The following ZC3H7A variants were observed in gnomAD, a reference collection of about 807,000 sequenced individuals.
ZC3H7A encodes zinc finger CCCH domain-containing protein 7A.
Under a neutral mutation model 125.5 loss-of-function variants are expected in ZC3H7A, and 44 were observed. The observed-to-expected ratio is 0.35, with a 90% CI of 0.28 to 0.45. The LOEUF (loss-of-function observed/expected upper bound fraction) is 0.45. ZC3H7A is among the 20% of genes least tolerant of loss of function. The probability of loss-of-function intolerance (pLI) is 1.00; values close to 1 mark genes in which losing one functional copy is unlikely to be tolerated. For missense variants in ZC3H7A, 977 were observed against 1,170.7 expected, an observed-to-expected ratio of 0.83 and a Z score of 2.41; for synonymous variants, 399 against 391.2, an observed-to-expected ratio of 1.02 and a Z score of -0.23.
At chr16:11,760,734 A>C (rs974023590) in intron 19 of ZC3H7A, among the ~76,000 whole-genome samples, 1 of 152,038 alleles carries the variant, frequency 6.6e-6, no homozygotes, top group African/African-American at 2.4e-5. Flanking sequence ...TGCTCTCCAG[A>C]CCCTCTCTCT....
At position 11,774,453 on chromosome 16, in the gene ZC3H7A, T is replaced by TCAG; in HGVS notation, c.685_686insCTG (p.His228_Glu229insAla). ...AACTGAGGCCAGCTCACTTCCAACT[T>TCAG]CATGAGAAAAACTGGGTGCCGGTAA... On this transcript the variant is annotated inframe_insertion, in exon 9 of 23. Transcript: ENST00000355758. 1 of 1,592,008 alleles carries TCAG rather than the reference T, an allele frequency of 6.3e-7. No individual in the cohort carries two copies.
chr16:11,785,406 G>A (rs2053242131), intron 1 of ZC3H7A, among the ~76,000 whole-genome samples: 1 of 151,530 alleles, frequency 6.6e-6, no homozygotes, highest in African/African-American at 2.4e-5. Flanking sequence ...CTCAGATGAT[G>A]GAGGCAGGAG....
chr16:11,761,483 C>T lies in ZC3H7A; in HGVS notation c.2242G>A (p.Val748Met). 1 of 1,614,108 alleles carries T rather than the reference C, an allele frequency of 6.2e-7. No homozygotes were observed. The highest frequency in any genetic ancestry group is 8.5e-7 in the Non-Finnish European group (1 of 1,180,006). Residue 748 changes from valine to methionine, a missense_variant, in exon 19 of 23, where the codon GTG (valine) becomes ATG (methionine). Physicochemically the swap from Val to Met is conservative, Grantham distance 21 (BLOSUM62 1). Coordinates refer to ENST00000355758, the MANE Select transcript of ZC3H7A (RefSeq NM_014153.4). ...CACTTCTTACGTTCAATAGACATCA[C>T]TCTCATCGCACGCCGGTCTTTGGTC... ...SWTKDRRAMRVMSIERKKWMN... is the reference protein window; with the variant it reads ...SWTKDRRAMRMMSIERKKWMN...
Position 11,770,775 on chromosome 16 carries a change from G to T in ZC3H7A, c.1108+8C>A. 3.7e-6 allele frequency: 6 copies of T among 1,604,070 alleles called. No individual in the cohort carries two copies. The highest frequency in any genetic ancestry group is 5.1e-6 in the Non-Finnish European group (6 of 1,174,068). ...TGCAATTGTTTACAATTTAGATTTG[G>T]TTCTTACCTCGTTTGGATTCACTCA... On this transcript the variant is annotated splice_region_variant and intron_variant, in intron 10 of 22. Transcript: ENST00000355758.
At chr16:11,796,993 C>G (rs1596412636) in intron 1 of ZC3H7A, 131 bp downstream of exon 1, 1 of 148,088 alleles carries the variant, frequency 6.8e-6, no homozygotes, top group Non-Finnish European at 1.5e-5. Context: ...CGGACCCCGC[C>G]GCCCCTCCCC....
At chr16:11,778,355 T>G (rs1335529884) in intron 4 of ZC3H7A, among the ~76,000 whole-genome samples, 4 of 148,364 alleles carry the variant, frequency 2.7e-5, no homozygotes, top group Non-Finnish European at 4.4e-5. Flanking sequence ...GAAAATTGCT[T>G]GAACCCAGGA....
chr16:11,760,042 C>T (rs575132277), intron 19 of ZC3H7A, among the ~76,000 whole-genome samples: 1 of 150,036 alleles, frequency 6.7e-6, no homozygotes, highest in South Asian at 2.1e-4. Context: ...TTGCTTGAAC[C>T]CAGGAGGTGG....
rs66812605 is a variant in ZC3H7A at position 11,760,122 on chromosome 16, G to GAAAAAAAAAAAAA, written c.2319+1271_2319+1283dup. Among the ~76,000 whole-genome samples, 265 of 82,444 alleles carry GAAAAAAAAAAAAA rather than the reference G, an allele frequency of 3.2e-3. 2 individuals are homozygous for GAAAAAAAAAAAAA. Among genetic ancestry groups the GAAAAAAAAAAAAA allele is most frequent in the Middle Eastern group, 0.017 (2 of 120 alleles). 54.1% of individuals were successfully genotyped at this position (82,444 alleles called of 152,430 possible). On this transcript the variant is annotated intron_variant, in intron 19 of 22. Transcript: ENST00000355758. ...CCTGGGTGACAGAGCAAGAAAAAAT[G>GAAAAAAAAAAAAA]AAAAAAAAAAAAAAAAAAAAAAAGA...
intron 3 of ZC3H7A, among the ~76,000 whole-genome samples, chr16:11,780,630 A>G (rs1345381648): frequency 1.3e-5 from 2 of 152,214 alleles, no homozygotes; most frequent in African/African-American, 4.8e-5. Flanking sequence ...AAAATGAAAC[A>G]ACTGTTACAG....
intron 3 of ZC3H7A, among the ~76,000 whole-genome samples, chr16:11,780,206 C>G (rs2053152819): frequency 6.6e-6 from 1 of 151,072 alleles, no homozygotes; most frequent in African/African-American, 2.4e-5. Flanking sequence ...TCTGCGACTT[C>G]ACCTCCTGAG....
At position 11,769,710 on chromosome 16, in the gene ZC3H7A, C is replaced by CAAAAAAAAAAAAAAAAAA. The variant is rs529124830; in HGVS notation, c.1109-633_1109-616dup. 3.4e-3 allele frequency among the ~76,000 whole-genome samples: 110 copies of CAAAAAAAAAAAAAAAAAA among 32,552 alleles called. 19 individuals are homozygous for CAAAAAAAAAAAAAAAAAA. The highest frequency in any genetic ancestry group is 0.024 in the Middle Eastern group (1 of 42). 21.4% of individuals were successfully genotyped at this position (32,552 alleles called of 152,430 possible). On this transcript the variant is annotated intron_variant, in intron 10 of 22. Transcript: ENST00000355758. The stretch of plus-strand genomic sequence containing the variant: ...TGGGCAACAGAGTGAGACTCTGTCT[C>CAAAAAAAAAAAAAAAAAA]AAAAAAAAAAAAAAAAAAAGCAGGA...
At position 11,756,239 on chromosome 16, in the gene ZC3H7A, T is replaced by G; in HGVS notation, c.2560A>C (p.Thr854Pro). Residue 854 changes from threonine to proline, a missense_variant and splice_region_variant, in exon 21 of 23, where the codon ACA becomes CCA. Physicochemically the swap from Thr to Pro is conservative, Grantham distance 38. Around this residue, in one of 3 missense-constraint regions of ZC3H7A, gnomAD observed 436 missense variants for 603.2 expected, o/e 0.72. Transcript: ENST00000355758. ...IHMPTDYAEV[T>P]VDFHCWMCGK... ...GGTAAATGACGCACGGTACTCACTG[T>G]AACTTCAGCATAATCTGTTGGCATG... The G allele has an allele frequency of 6.2e-7, 1 of 1,613,414 alleles. No individual in the cohort carries two copies. Among genetic ancestry groups the G allele is most frequent in the East Asian group, 2.2e-5 (1 of 44,888 alleles).
At chr16:11,783,007 C>T (rs536630479) in intron 1 of ZC3H7A, 1 of 152,684 alleles carries the variant, frequency 6.5e-6, no homozygotes, top group East Asian at 1.9e-4. Flanking sequence ...CCCTTCCTTT[C>T]CTCTTCCCTC....
At chr16:11,752,879 A>C (rs765056018) in intron 21 of ZC3H7A, 47 bp from the exon 22 acceptor site, 2 of 1,581,274 alleles carry the variant, frequency 1.3e-6, no homozygotes, top group Non-Finnish European at 1.7e-6. Flanking sequence ...CTGATGTGAG[A>C]TCCAGACTCA....
At chr16:11,764,275 G>A (rs916294056) in intron 15 of ZC3H7A, among the ~76,000 whole-genome samples, 2 of 151,922 alleles carry the variant, frequency 1.3e-5, no homozygotes, top group Admixed American at 6.6e-5. Flanking sequence ...TTGTCCAGGC[G>A]TGATGGCTCA....
intron 1 of ZC3H7A, among the ~76,000 whole-genome samples, chr16:11,786,425 A>C (rs1255328805): frequency 5.4e-4 from 82 of 152,332 alleles, no homozygotes; most frequent in Non-Finnish European, 7.9e-4. Context: ...AGGTTGACTC[A>C]AAAAGTTAAT....
rs66812605 is a variant in ZC3H7A at position 11,760,122 on chromosome 16, G to GAAAAAAAAAA, written c.2319+1274_2319+1283dup. On this transcript the variant is annotated intron_variant, in intron 19 of 22. Transcript: ENST00000355758. ...CCTGGGTGACAGAGCAAGAAAAAAT[G>GAAAAAAAAAA]AAAAAAAAAAAAAAAAAAAAAAAGA... Among the ~76,000 whole-genome samples, 697 of 82,386 alleles carry GAAAAAAAAAA rather than the reference G, an allele frequency of 8.5e-3. 4 individuals are homozygous for GAAAAAAAAAA. The highest frequency in any genetic ancestry group is 0.026 in the African/African-American group (491 of 18,548). 54.0% of individuals were successfully genotyped at this position (82,386 alleles called of 152,430 possible).
chr16:11,763,375 G>A (rs2052786138), intron 16 of ZC3H7A, 103 bp downstream of exon 16: 2 of 1,182,686 alleles, frequency 1.7e-6, no homozygotes, highest in South Asian at 1.7e-5. Flanking sequence ...TCCCAAAGTA[G>A]TGGGATTACA....
intron 20 of ZC3H7A, among the ~76,000 whole-genome samples, chr16:11,757,318 A>C (rs1178843044): frequency 6.6e-6 from 1 of 151,912 alleles, no homozygotes; most frequent in Non-Finnish European, 1.5e-5. Context: ...CCCCGGCTCT[A>C]CTAAAAATAC....
Sources: gnomAD v4.1 joint callset for allele counts (sites outside exome capture counted in the v4.1 genomes callset) on GRCh38, gnomAD v4.1.1 for gene constraint, gnomAD v4.1.1 regional missense constraint, MANE v1.5 for transcripts, NCBI Gene and HGNC (gene_info 2026-07-23, HGNC 2026-07-21) for gene names.